Variants in SBF2 observed in about 807,000 individuals in gnomAD.
SBF2 encodes the protein myotubularin-related protein 13.
In SBF2, 112 loss-of-function variants were observed where a neutral mutation model predicts 225.2. The observed-to-expected ratio is 0.50, with a 90% CI of 0.43 to 0.58. The LOEUF (loss-of-function observed/expected upper bound fraction) is 0.58, where lower values mean the gene tolerates loss of function less well. SBF2 is among the 20% of genes least tolerant of loss of function. The pLI, the probability that SBF2 is intolerant of heterozygous loss-of-function variation, is 0.00. For synonymous variants in SBF2, 763 were observed against 773.3 expected (o/e 0.99, Z 0.22); for missense variants, 1,996 against 2,206.2 (o/e 0.90, Z 1.91).
At chr11:9,942,901 G>GAGAAAGAAAGAA (rs1183181431) in intron 16 of SBF2, among the ~76,000 whole-genome samples, 11,651 of 100,840 alleles carry the variant, frequency 0.12, 594 homozygotes, top group Non-Finnish European at 0.14. Flanking sequence ...AAGAGAGAGA[G>GAGAAAGAAAGAA]AGAAAGAAAG....
intron 32 of SBF2, among the ~76,000 whole-genome samples, chr11:9,807,658 G>A (rs1028436515): frequency 1.3e-5 from 2 of 152,186 alleles, no homozygotes; most frequent in African/African-American, 4.8e-5. Flanking sequence ...AAACTGGGCA[G>A]ACCATGTGCT....
intron 1 of SBF2, among the ~76,000 whole-genome samples, chr11:10,244,154 TG>T: frequency 6.6e-6 from 1 of 152,358 alleles, no homozygotes; most frequent in Middle Eastern, 3.4e-3. Flanking sequence ...AGTGATTTTT[TG>T]TCTTTCTTGC....
At chr11:10,138,790 A>C (rs1954505661) in intron 2 of SBF2, among the ~76,000 whole-genome samples, 1 of 152,114 alleles carries the variant, frequency 6.6e-6, no homozygotes, top group Admixed American at 6.6e-5. Flanking sequence ...TGGTGAGAGA[A>C]CATACTCTAT....
chr11:9,782,494 C>T (rs1373315845), intron 38 of SBF2, among the ~76,000 whole-genome samples: 1 of 152,040 alleles, frequency 6.6e-6, no homozygotes, highest in East Asian at 1.9e-4. Flanking sequence ...CAAATACTGC[C>T]AGTGTGAATA....
At position 10,288,309 on chromosome 11, in the gene SBF2, G is replaced by A. The variant is rs926630312; in HGVS notation, c.55+5706C>T. Among the ~76,000 whole-genome samples, 5 of 152,132 alleles carry A rather than the reference G, an allele frequency of 3.3e-5. No homozygotes were observed. In the East Asian group the frequency reaches 9.6e-4, roughly 29 times the overall value. ...TGAGGTCCTCAGACAACAAATGGAGGGTGAGCAAGACAAAGAGGAACTTTA... is the reference window on the plus strand; with the variant it reads ...TGAGGTCCTCAGACAACAAATGGAGAGTGAGCAAGACAAAGAGGAACTTTA... On this transcript the variant is annotated intron_variant, in intron 1 of 39. Transcript: ENST00000256190.
chr11:9,917,159 A>G (rs1863168674), intron 16 of SBF2, among the ~76,000 whole-genome samples: 1 of 151,854 alleles, frequency 6.6e-6, no homozygotes, highest in African/African-American at 2.4e-5. Flanking sequence ...AAATCCTGCC[A>G]TCTTTGAATA....
intron 8 of SBF2, among the ~76,000 whole-genome samples, chr11:9,998,638 A>T (rs764874652): frequency 2.6e-5 from 4 of 152,212 alleles, no homozygotes; most frequent in Non-Finnish European, 4.4e-5. Flanking sequence ...GTCCTTCAAG[A>T]CAGGGGATAT....
intron 17 of SBF2, among the ~76,000 whole-genome samples, chr11:9,892,269 C>G (rs551681706): frequency 6.6e-6 from 1 of 152,196 alleles, no homozygotes; most frequent in South Asian, 2.1e-4. Context: ...TAGGCACACT[C>G]CACCATGGCT....
chr11:9,990,601 AG>A, intron 12 of SBF2, among the ~76,000 whole-genome samples: 1 of 152,210 alleles, frequency 6.6e-6, no homozygotes, highest in South Asian at 2.1e-4. Context: ...ATTAGCTGGC[AG>A]TCAAGTAACA....
chr11:10,169,319 C>T (rs1361111059), intron 2 of SBF2, among the ~76,000 whole-genome samples: 1 of 152,094 alleles, frequency 6.6e-6, no homozygotes, highest in Non-Finnish European at 1.5e-5. Flanking sequence ...TTCTCCATTA[C>T]CTCCTCTCCC....
chr11:9,892,555 T>C (rs1860917358), intron 17 of SBF2, among the ~76,000 whole-genome samples: 1 of 150,340 alleles, frequency 6.7e-6, no homozygotes. Flanking sequence ...AAAATATATA[T>C]ATATATATAA....
At chr11:9,806,839 C>G (rs887796057) in intron 32 of SBF2, among the ~76,000 whole-genome samples, 1 of 152,134 alleles carries the variant, frequency 6.6e-6, no homozygotes, top group African/African-American at 2.4e-5. Flanking sequence ...TGTTACAAAA[C>G]TTTGTGAATG....
Position 9,845,884 on chromosome 11 carries a change from T to C in SBF2, c.2935-144A>G, listed in dbSNP as rs184338287. 1.0e-3 allele frequency: 753 copies of C among 730,270 alleles called. 9 individuals are homozygous for C. The Admixed American group carries it at 0.018, about 18-fold the overall frequency. The allele number at this position is 730,270 out of a possible 1,614,324, so 45.2% of individuals were successfully genotyped here. A position where few individuals can be genotyped will look rare whatever the true frequency, so the allele number is the denominator to read the frequency against. The stretch of plus-strand genomic sequence containing the variant: ...TAACATGCAATACAATTTTTAAATT[T>C]TTAAAAATAAAAAAAGGCTCAAAAA... On this transcript the variant is annotated intron_variant, in intron 23 of 39. Coordinates refer to ENST00000256190, the MANE Select transcript of SBF2 (RefSeq NM_030962.4).
chr11:9,841,325 A>AAAATTGAG (rs1856123887), intron 25 of SBF2, among the ~76,000 whole-genome samples: 1 of 152,226 alleles, frequency 6.6e-6, no homozygotes. Flanking sequence ...AAATATAAAA[A>AAAATTGAG]AAATTGAGTT....
chr11:10,034,286 T>G (rs1949360458), intron 3 of SBF2, among the ~76,000 whole-genome samples: 1 of 152,216 alleles, frequency 6.6e-6, no homozygotes, highest in Non-Finnish European at 1.5e-5. Flanking sequence ...CTGTGTAACT[T>G]ATGTGTAGTT....
At chr11:9,796,347 A>C (rs1383649606) in intron 32 of SBF2, among the ~76,000 whole-genome samples, 1 of 152,006 alleles carries the variant, frequency 6.6e-6, no homozygotes, top group African/African-American at 2.4e-5. Flanking sequence ...TCTCTACCCC[A>C]CTCACTACAT....
At chr11:10,196,678 C>T (rs1436100906) in intron 1 of SBF2, among the ~76,000 whole-genome samples, 1 of 151,580 alleles carries the variant, frequency 6.6e-6, no homozygotes, top group Non-Finnish European at 1.5e-5. Flanking sequence ...GTACCCAGCC[C>T]AATCATATTA....
At chr11:9,901,182 G>T (rs1013429189) in intron 16 of SBF2, among the ~76,000 whole-genome samples, 9 of 152,100 alleles carry the variant, frequency 5.9e-5, no homozygotes, top group African/African-American at 2.2e-4. Context: ...TGGCAAGAAA[G>T]CAAGGAATAT....
At chr11:10,094,581 C>A (rs1447124210) in intron 2 of SBF2, among the ~76,000 whole-genome samples, 1 of 129,186 alleles carries the variant, frequency 7.7e-6, no homozygotes, top group Admixed American at 9.9e-5. Flanking sequence ...TGGCTCACTG[C>A]AATCTCTGCC....
Sources: allele counts gnomAD v4.1 joint callset (sites outside exome capture counted in the v4.1 genomes callset), GRCh38; gene constraint gnomAD v4.1.1; transcripts MANE v1.5; gene names NCBI Gene and HGNC (gene_info 2026-07-23, HGNC 2026-07-21).